NDST3: variants seen among roughly 807,000 people sequenced by gnomAD.
NDST3 encodes N-deacetylase and N-sulfotransferase 3, also known as bifunctional heparan sulfate N-deacetylase/N-sulfotransferase 3.
Under a neutral mutation model 96.1 loss-of-function variants are expected in NDST3, and 58 were observed. That is an observed-to-expected ratio of 0.60 (90% CI 0.49 to 0.75). The LOEUF is 0.75. Ranked by LOEUF, NDST3 falls within the 30% of genes least tolerant of loss-of-function variation. The probability of loss-of-function intolerance (pLI) is 0.00; values close to 1 mark genes in which losing one functional copy is unlikely to be tolerated. For missense variants in NDST3, 788 were observed against 1,034.2 expected (o/e 0.76, Z 3.27); for synonymous variants, 333 against 359.7 (o/e 0.93, Z 0.84).
intron 6 of NDST3, among the ~76,000 whole-genome samples, chr4:118,213,778 A>T (rs940079944): frequency 1.1e-4 from 17 of 150,810 alleles, no homozygotes; most frequent in African/African-American, 4.1e-4. Context: ...TAAATATGAA[A>T]ACAATTCAGA....
intron 2 of NDST3, among the ~76,000 whole-genome samples, chr4:118,093,961 C>T (rs1023982824): frequency 2.0e-5 from 3 of 151,750 alleles, no homozygotes; most frequent in Non-Finnish European, 4.4e-5. Flanking sequence ...GGGACAAACA[C>T]TGTATTTTCA....
At chr4:118,201,690 T>C (rs920771739) in intron 6 of NDST3, among the ~76,000 whole-genome samples, 4 of 152,200 alleles carry the variant, frequency 2.6e-5, no homozygotes, top group African/African-American at 9.6e-5. Context: ...TACTAGGCCA[T>C]TGTTGGATGC....
At chr4:118,172,008 A>T (rs1356499105) in intron 6 of NDST3, among the ~76,000 whole-genome samples, 1 of 152,236 alleles carries the variant, frequency 6.6e-6, no homozygotes, top group African/African-American at 2.4e-5. Context: ...TGTCAATAAC[A>T]CTACAATAAT....
chr4:118,104,510 A>C (rs1730014010), intron 2 of NDST3, among the ~76,000 whole-genome samples: 1 of 152,208 alleles, frequency 6.6e-6, no homozygotes, highest in Admixed American at 6.5e-5. Flanking sequence ...AGGGCAAATT[A>C]GAGATCTACT....
At chr4:118,136,829 G>A (rs1248414717) in intron 4 of NDST3, among the ~76,000 whole-genome samples, 2 of 152,084 alleles carry the variant, frequency 1.3e-5, no homozygotes, top group African/African-American at 2.4e-5. Context: ...ATGACATGAA[G>A]GAAATCATCA....
intron 6 of NDST3, among the ~76,000 whole-genome samples, chr4:118,206,656 G>A (rs892015328): frequency 6.9e-6 from 1 of 144,382 alleles, no homozygotes; most frequent in Non-Finnish European, 1.5e-5. Flanking sequence ...ATTTCTCTGT[G>A]TTAGCATTTG....
chr4:118,214,233 G>A (rs892120897), intron 6 of NDST3, among the ~76,000 whole-genome samples: 3 of 152,028 alleles, frequency 2.0e-5, no homozygotes, highest in African/African-American at 7.2e-5. Context: ...ATATGAAGAT[G>A]AAGAAGAAGG....
intron 6 of NDST3, among the ~76,000 whole-genome samples, chr4:118,146,010 G>A (rs965171712): frequency 2.0e-5 from 3 of 152,176 alleles, no homozygotes; most frequent in Admixed American, 6.5e-5. Flanking sequence ...TGTCTGTCTT[G>A]GAGAACAGAG....
At chr4:118,049,308 A>C (rs1456439847) in intron 1 of NDST3, among the ~76,000 whole-genome samples, 8 of 152,036 alleles carry the variant, frequency 5.3e-5, no homozygotes, top group Admixed American at 5.3e-4. Context: ...TTTGTACCTA[A>C]GGGAACTAAA....
chr4:118,066,127 TATTATATAATATATTTTA>T (rs1560617492), intron 2 of NDST3, among the ~76,000 whole-genome samples: 1 of 52,976 alleles, frequency 1.9e-5, no homozygotes. Flanking sequence ...ATATTATATA[TATTATATAATATATTTTA>T]TATATTATAT....
chr4:118,190,131 AGTAGTAATATAATTATATAT>A (rs1737213627), intron 6 of NDST3, among the ~76,000 whole-genome samples: 1 of 152,006 alleles, frequency 6.6e-6, no homozygotes, highest in African/African-American at 2.4e-5. Flanking sequence ...CATATCTAGT[AGTAGTAATATAATTATATAT>A]AAACTCTAAT....
At chr4:118,185,674 G>C (rs968356799) in intron 6 of NDST3, among the ~76,000 whole-genome samples, 40 of 152,122 alleles carry the variant, frequency 2.6e-4, no homozygotes, top group African/African-American at 9.4e-4. Context: ...GTGATGTACA[G>C]AACATGGAAG....
intron 5 of NDST3, 93 bp from the exon 6 acceptor site, chr4:118,143,463 T>C: frequency 7.6e-7 from 1 of 1,323,892 alleles, no homozygotes; most frequent in Middle Eastern, 2.6e-4. Flanking sequence ...ATTCACTAGC[T>C]TGTGCATCAT....
intron 2 of NDST3, among the ~76,000 whole-genome samples, chr4:118,102,214 G>A (rs961762057): frequency 2.0e-5 from 3 of 151,792 alleles, no homozygotes; most frequent in Non-Finnish European, 4.4e-5. Context: ...CCTATATATA[G>A]TACAGTATTT....
chr4:118,055,791 A>C (rs1725390040), intron 2 of NDST3: 1 of 151,916 alleles, frequency 6.6e-6, no homozygotes, highest in Non-Finnish European at 1.5e-5. Context: ...GAATATCTAG[A>C]ATCAAATCAG....
chr4:118,231,060 G>C (rs1310487299), intron 8 of NDST3, among the ~76,000 whole-genome samples: 1 of 152,114 alleles, frequency 6.6e-6, no homozygotes, highest in East Asian at 1.9e-4. Flanking sequence ...TAAGGGCGGG[G>C]CACAGTGGCT....
At chr4:118,085,232 C>G (rs1275574912) in intron 2 of NDST3, among the ~76,000 whole-genome samples, 1 of 152,096 alleles carries the variant, frequency 6.6e-6, no homozygotes, top group East Asian at 1.9e-4. Context: ...TCTTTATTGA[C>G]AGTAGCAGAC....
chr4:118,114,883 A>T lies in NDST3; in HGVS notation c.1147A>T (p.Ser383Cys). ...GTTCTGGTGGTTTCCTCACATGTGG[A>T]GCCATATGCAGCCCCACCTCTTCCA... is the stretch of plus-strand genomic sequence containing the variant. ...DEFWWFPHMW[S>C]HMQPHLFHNE... is the part of the protein sequence containing the mutation. The change falls in exon 4 of 14, where the codon AGC (serine) becomes TGC (cysteine). Residue 383 changes from serine (S) to cysteine (C), a missense_variant. Coordinates refer to ENST00000296499, the MANE Select transcript of NDST3 (RefSeq NM_004784.3). The T allele has an allele frequency of 1.1e-5, 18 of 1,614,024 alleles. No homozygotes were observed. Among genetic ancestry groups the T allele is most frequent in the Non-Finnish European group, 1.5e-5 (18 of 1,179,960 alleles).
chr4:118,202,986 C>G (rs1164238501), intron 6 of NDST3, among the ~76,000 whole-genome samples: 1 of 152,120 alleles, frequency 6.6e-6, no homozygotes, highest in East Asian at 1.9e-4. Context: ...AAGTATGTTC[C>G]TTCATTGCCT....
Sources: gnomAD v4.1 joint callset for allele counts (sites outside exome capture counted in the v4.1 genomes callset) on GRCh38, gnomAD v4.1.1 for gene constraint, MANE v1.5 for transcripts, NCBI Gene and HGNC (gene_info 2026-07-23, HGNC 2026-07-21) for gene names.